The following TKT variants were observed in gnomAD, a reference collection of about 807,000 sequenced individuals.
TKT encodes epididymis luminal protein 107.
Under a neutral mutation model 63.9 loss-of-function variants are expected in TKT, and 47 were observed. That is an observed-to-expected ratio of 0.74 (90% CI 0.58 to 0.94). The LOEUF is 0.94. Among genes scored for constraint, TKT ranks in the 40% least tolerant of loss-of-function variants. The pLI is 0.00. For missense variants in TKT, 721 were observed against 846.2 expected (o/e 0.85, Z 1.84); for synonymous variants, 338 against 334.1 (o/e 1.01, Z -0.13).
intron 1 of TKT, among the ~76,000 whole-genome samples, chr3:53,254,055 T>C (rs893928205): frequency 6.6e-6 from 1 of 152,228 alleles, no homozygotes; most frequent in African/African-American, 2.4e-5. Flanking sequence ...ATTCTCAGGA[T>C]GCAACAAACG....
chr3:53,242,195 AAG>A lies in TKT; in HGVS notation c.153_154del (p.Phe53ProfsTer16), dbSNP rs1482226609. 6.2e-7 allele frequency: 1 copy of A among 1,613,962 alleles called. No individual in the cohort carries two copies. ...GGACTTGTAGCGCATGGTGTGGAAAAAGAGGACAGCCATGATCTCTGCGGCGC... is the reference window on the plus strand; with the variant it reads ...GGACTTGTAGCGCATGGTGTGGAAAAAGGACAGCCATGATCTCTGCGGCGC... On this transcript the variant is annotated frameshift_variant, in exon 2 of 14. Coordinates refer to ENST00000462138, the MANE Select transcript of TKT (RefSeq NM_001064.4). LOFTEE classifies it high-confidence loss of function.
intron 1 of TKT, among the ~76,000 whole-genome samples, chr3:53,249,653 T>TCCC (rs1553681390): frequency 6.6e-6 from 1 of 152,078 alleles, no homozygotes; most frequent in Non-Finnish European, 1.5e-5. Flanking sequence ...CGTCCACACT[T>TCCC]CCCTTCCAGC....
chr3:53,251,622 G>C (rs1163967423), intron 1 of TKT, among the ~76,000 whole-genome samples: 1 of 152,210 alleles, frequency 6.6e-6, no homozygotes, highest in African/African-American at 2.4e-5. Flanking sequence ...CGAGAAACGA[G>C]CCTGGGTCCT....
Position 53,230,532 on chromosome 3 carries a change from A to AT in TKT, c.1031dup (p.Asn344LysfsTer23). On this transcript the variant is annotated frameshift_variant, in exon 8 of 14. Coordinates refer to ENST00000462138, the MANE Select transcript of TKT (RefSeq NM_001064.4). LOFTEE classifies it high-confidence loss of function. ...TTTTGAAGATCTCCGAGAAGGTGGAATTTTTGGTGTCCCCATCCAGGGCGA... is the reference window on the plus strand; with the variant it reads ...TTTTGAAGATCTCCGAGAAGGTGGAATTTTTTGGTGTCCCCATCCAGGGCGA... The AT allele has an allele frequency of 6.2e-7, 1 of 1,614,156 alleles. No individual in the cohort carries two copies. The highest frequency in any genetic ancestry group is 1.3e-5 in the African/African-American group (1 of 75,046).
intron 4 of TKT, among the ~76,000 whole-genome samples, chr3:53,238,662 T>C (rs1195508920): frequency 6.6e-6 from 1 of 152,202 alleles, no homozygotes; most frequent in African/African-American, 2.4e-5. Context: ...CTGGCCTTCC[T>C]CCTCTAGGAG....
rs1236578271 is a variant in TKT at position 53,239,407 on chromosome 3, C to T, written c.437+844G>A. Among the ~76,000 whole-genome samples, 3 of 152,116 alleles carry T rather than the reference C, an allele frequency of 2.0e-5. No homozygotes were observed. In the East Asian group the frequency reaches 5.8e-4, roughly 29 times the overall value. On this transcript the variant is annotated intron_variant, in intron 4 of 13. Transcript: ENST00000462138. The stretch of plus-strand genomic sequence containing the variant: ...AGCTATAATCTTGAAGCCCTAGGCT[C>T]AAGTGATCCTCCCACCTCAGCCTCC...
At chr3:53,243,607 G>C (rs1553680368) in intron 1 of TKT, 1 of 456,640 alleles carries the variant, frequency 2.2e-6, no homozygotes, top group Non-Finnish European at 4.4e-6. Context: ...CCCGGTCATG[G>C]GAAAAGACAC....
intron 1 of TKT, among the ~76,000 whole-genome samples, chr3:53,246,636 T>C (rs1276575409): frequency 6.6e-6 from 1 of 152,062 alleles, no homozygotes; most frequent in Non-Finnish European, 1.5e-5. Flanking sequence ...GCAGATCACC[T>C]GAGGTCATGA....
At chr3:53,242,339 AG>A in intron 1 of TKT, 97 bp from the exon 2 acceptor site, 1 of 1,190,744 alleles carries the variant, frequency 8.4e-7, no homozygotes, top group Non-Finnish European at 1.2e-6. Context: ...GCATGTCCTG[AG>A]GAGTCACACA....
rs577127475 is a variant in TKT at position 53,244,576 on chromosome 3, C to T, written c.108-2334G>A. 3.0e-3 allele frequency among the ~76,000 whole-genome samples: 464 copies of T among 152,242 alleles called. 3 individuals are homozygous for T. Among genetic ancestry groups the T allele is most frequent in the African/African-American group, 0.011 (446 of 41,560 alleles). On this transcript the variant is annotated intron_variant, in intron 1 of 13. Coordinates refer to ENST00000462138, the MANE Select transcript of TKT (RefSeq NM_001064.4). The stretch of plus-strand genomic sequence containing the variant: ...GGAGAAATACACCAAGGATTGAGAC[C>T]GGGCTCTGCACACTGTAAAGCACTG...
In TKT at chr3:53,255,908, A is replaced by G. The variant is rs782638359; in HGVS notation, c.35T>C (p.Leu12Pro). The G allele has an allele frequency of 3.2e-6, 5 of 1,547,086 alleles. No individual in the cohort carries two copies. Among genetic ancestry groups the G allele is most frequent in the East Asian group, 2.7e-5 (1 of 37,154 alleles). The part of the protein sequence containing the change: ...ESYHKPDQQK[L>P]QALKDTANRL... ...GTTGGCCGTGTCCTTCAAGGCCTGC[A>G]GCTTCTGCTGGTCAGGCTTGTGGTA... is the stretch of plus-strand genomic sequence containing the variant. The change falls in exon 1 of 14, where the codon CTG becomes CCG. Residue 12 changes from leucine (L) to proline (P), a missense_variant. By Grantham distance (98) the Leu-to-Pro change is moderately conservative. Coordinates refer to ENST00000462138, the MANE Select transcript of TKT (RefSeq NM_001064.4).
chr3:53,255,890 G>A lies in TKT; in HGVS notation c.53C>T (p.Thr18Met), dbSNP rs1575578719. The A allele has an allele frequency of 6.5e-7, 1 of 1,549,522 alleles. No homozygotes were observed. ...DQQKLQALKD[T>M]ANRLRISSIQ... ...GGAGCTGATACGTAGGCGGTTGGCC[G>A]TGTCCTTCAAGGCCTGCAGCTTCTG... The change falls in exon 1 of 14, where the codon ACG becomes ATG. Residue 18 changes from threonine (T) to methionine (M), a missense_variant. Physicochemically the swap from Thr to Met is moderately conservative, Grantham distance 81. Transcript: ENST00000462138.
intron 1 of TKT, among the ~76,000 whole-genome samples, chr3:53,254,010 A>C (rs1553681940): frequency 6.6e-6 from 1 of 152,194 alleles, no homozygotes; most frequent in Non-Finnish European, 1.5e-5. Context: ...CCCGTCTATA[A>C]AATGTGAATA....
intron 13 of TKT, chr3:53,226,447 T>C: frequency 2.7e-6 from 1 of 370,906 alleles, no homozygotes. Context: ...CTTCCCAAGC[T>C]GCACCATAGC....
chr3:53,228,181 A>G (rs782070505), intron 11 of TKT, 32 bp from the exon 12 acceptor site: 7 of 1,613,554 alleles, frequency 4.3e-6, no homozygotes, highest in Non-Finnish European at 5.9e-6. Context: ...AGTAAGGCTC[A>G]GGGCCCTGGG....
At chr3:53,245,888 C>T (rs577871043) in intron 1 of TKT, among the ~76,000 whole-genome samples, 5 of 152,244 alleles carry the variant, frequency 3.3e-5, no homozygotes, top group Admixed American at 2.6e-4. Flanking sequence ...GATCAGTAGC[C>T]GAAGATGCAC....
At position 53,235,042 on chromosome 3, in the gene TKT, A is replaced by G. The variant is rs1704951456; in HGVS notation, c.570T>C (p.Ser190=). The G allele has an allele frequency of 6.2e-7, 1 of 1,613,708 alleles. No individual in the cohort carries two copies. The highest frequency in any genetic ancestry group is 1.7e-5 in the Admixed American group (1 of 59,992). Residue 190 remains serine, a synonymous_variant, in exon 5 of 14, where the codon AGT becomes AGC. Coordinates refer to ENST00000462138, the MANE Select transcript of TKT (RefSeq NM_001064.4). ...TCTGGTGCTGCAGTGGGGCCGGGTC[A>G]CTCTGGCCCAGGCGATTGATGTCTA... ...AILDINRLGQ[S]DPAPLQHQMD... is the part of the protein sequence containing the mutation.
intron 1 of TKT, among the ~76,000 whole-genome samples, chr3:53,249,042 CT>C (rs1705637928): frequency 6.6e-6 from 1 of 152,156 alleles, no homozygotes; most frequent in South Asian, 2.1e-4. Flanking sequence ...TCTTGGCTCA[CT>C]GCAACCTCCG....
At chr3:53,226,983 C>T (rs2106655688) in intron 12 of TKT, 105 bp from the exon 13 acceptor site, 4 of 1,420,388 alleles carry the variant, frequency 2.8e-6, no homozygotes, top group Non-Finnish European at 2.8e-6. Flanking sequence ...TAGCTAAGAG[C>T]TCAGCCTGCG....
Sources: gnomAD v4.1 joint callset for allele counts (sites outside exome capture counted in the v4.1 genomes callset) on GRCh38, gnomAD v4.1.1 for gene constraint, MANE v1.5 for transcripts, NCBI Gene and HGNC (gene_info 2026-07-23, HGNC 2026-07-21) for gene names.